Variants in SEPTIN7 observed in about 807,000 individuals in gnomAD.
SEPTIN7 encodes septin-7.
A neutral mutation model predicts 63.3 loss-of-function variants in SEPTIN7; 10 were observed. The ratio of observed to expected loss-of-function variants is 0.16; its 90% confidence interval spans 0.10 to 0.27. The LOEUF (loss-of-function observed/expected upper bound fraction) is 0.27, where lower values mean the gene tolerates loss of function less well. SEPTIN7 is among the 10% of genes least tolerant of loss of function. The pLI is 1.00. For missense variants in SEPTIN7, 310 were observed against 521.0 expected (o/e 0.59, Z 3.94); for synonymous variants, 131 against 165.3 (o/e 0.79, Z 1.59).
intron 1 of SEPTIN7, among the ~76,000 whole-genome samples, chr7:35,815,350 T>C (rs189131574): frequency 3.9e-5 from 6 of 152,322 alleles, no homozygotes; most frequent in African/African-American, 1.2e-4. Flanking sequence ...TATGAATTTA[T>C]ATATATACAT....
intron 1 of SEPTIN7, among the ~76,000 whole-genome samples, chr7:35,810,797 C>T (rs1445760062): frequency 5.4e-5 from 8 of 149,176 alleles, no homozygotes; most frequent in Non-Finnish European, 8.9e-5. Context: ...GACAGAGGCT[C>T]GCTCTGTCGC....
chr7:35,896,411 A>G (rs1787963282), intron 11 of SEPTIN7, among the ~76,000 whole-genome samples: 1 of 152,128 alleles, frequency 6.6e-6, no homozygotes, highest in South Asian at 2.1e-4. Flanking sequence ...TTGGGGTGTT[A>G]GGGGACAGTG....
intron 1 of SEPTIN7, among the ~76,000 whole-genome samples, chr7:35,813,029 AAT>A (rs1788827529): frequency 2.0e-5 from 3 of 152,206 alleles, no homozygotes; most frequent in Non-Finnish European, 4.4e-5. Context: ...AGGCCTTAAT[AAT>A]AACTATCATC....
chr7:35,847,150 C>G (rs186165322), intron 3 of SEPTIN7: 22 of 165,644 alleles, frequency 1.3e-4, no homozygotes, highest in African/African-American at 4.8e-4. Context: ...TTGGTGGCTC[C>G]GAAGTGGGCA....
intron 1 of SEPTIN7, among the ~76,000 whole-genome samples, chr7:35,829,687 A>G (rs1274922364): frequency 2.0e-5 from 3 of 152,154 alleles, no homozygotes; most frequent in African/African-American, 7.2e-5. Context: ...CATTTATGTA[A>G]TTCATTCAAT....
chr7:35,878,933 G>A (rs1786654693), intron 6 of SEPTIN7, among the ~76,000 whole-genome samples: 1 of 152,156 alleles, frequency 6.6e-6, no homozygotes, highest in African/African-American at 2.4e-5. Context: ...GAAGATAATT[G>A]AAATCTATTG....
chr7:35,834,735 CT>C (rs1783997609), intron 3 of SEPTIN7, among the ~76,000 whole-genome samples: 1 of 152,086 alleles, frequency 6.6e-6, no homozygotes, highest in Non-Finnish European at 1.5e-5. Flanking sequence ...CACTTAGTAT[CT>C]AATATGTTGA....
At chr7:35,888,018 A>G (rs1235727623) in intron 10 of SEPTIN7, among the ~76,000 whole-genome samples, 2 of 152,194 alleles carry the variant, frequency 1.3e-5, no homozygotes, top group African/African-American at 4.8e-5. Context: ...TAATTAAGAG[A>G]ACTAACTTAC....
At chr7:35,881,602 A>G (rs1327908599) in intron 7 of SEPTIN7, among the ~76,000 whole-genome samples, 2 of 151,292 alleles carry the variant, frequency 1.3e-5, no homozygotes, top group East Asian at 3.9e-4. Context: ...TGTCTACTAT[A>G]GTAACCATGT....
Position 35,907,100 on chromosome 7 carries a change from A to T in SEPTIN7, c.*2807A>T, listed in dbSNP as rs1460252140. On this transcript the variant is annotated 3_prime_UTR_variant, in exon 14 of 14. Transcript: ENST00000350320. ...TGAAAGAGTGAAATAAAAGGTTTAC[A>T]CTTTCCCCAAGCTCCAATGAATTAT... 2 of 152,250 alleles carry T rather than the reference A, an allele frequency of 1.3e-5. No homozygotes were observed. Among genetic ancestry groups the T allele is most frequent in the Non-Finnish European group, 2.9e-5 (2 of 68,044 alleles). The allele number at this position is 152,250 out of a possible 1,614,324, so 9.4% of individuals were successfully genotyped here.
At chr7:35,872,064 T>TATC (rs1786185356) in intron 4 of SEPTIN7, among the ~76,000 whole-genome samples, 1 of 152,164 alleles carries the variant, frequency 6.6e-6, no homozygotes, top group Non-Finnish European at 1.5e-5. Context: ...TTTTGCTGAT[T>TATC]ACATTGTCCA....
chr7:35,845,675 T>G (rs765256164), intron 3 of SEPTIN7, among the ~76,000 whole-genome samples: 1 of 152,226 alleles, frequency 6.6e-6, no homozygotes, highest in Non-Finnish European at 1.5e-5. Context: ...TTATGTGATA[T>G]GACTATTTAG....
intron 3 of SEPTIN7, among the ~76,000 whole-genome samples, chr7:35,852,036 C>T (rs1263623189): frequency 2.0e-5 from 3 of 152,072 alleles, no homozygotes; most frequent in Admixed American, 6.5e-5. Context: ...ACCTTTGACC[C>T]TTATTCTTAG....
intron 3 of SEPTIN7, among the ~76,000 whole-genome samples, chr7:35,850,917 G>A (rs1016167216): frequency 9.2e-5 from 14 of 152,134 alleles, no homozygotes; most frequent in African/African-American, 3.4e-4. Flanking sequence ...ATATGAAGTT[G>A]AGATGCTGAG....
At chr7:35,898,738 G>C (rs1788110820) in intron 12 of SEPTIN7, 1 of 164,106 alleles carries the variant, frequency 6.1e-6, no homozygotes, top group Non-Finnish European at 1.3e-5. Context: ...GTGGATTTAT[G>C]CACACAAACT....
chr7:35,801,223 C>G lies in SEPTIN7; in HGVS notation c.14C>G (p.Ala5Gly), dbSNP rs753275736. MSVS[A>G]RSAAAEERSV... Reference sequence around the variant, plus strand: ...GGGGGGGAGGGGATGTCGGTCAGTGCGAGATCCGCTGCTGCTGAGGAGAGG... The same window carrying G: ...GGGGGGGAGGGGATGTCGGTCAGTGGGAGATCCGCTGCTGCTGAGGAGAGG... The change falls in exon 1 of 14, where the codon GCG (alanine) becomes GGG (glycine). Residue 5 changes from alanine (A) to glycine (G), a missense_variant. Coordinates refer to ENST00000350320, the MANE Select transcript of SEPTIN7 (RefSeq NM_001788.6). 2 of 1,531,770 alleles carry G rather than the reference C, an allele frequency of 1.3e-6. No homozygotes were observed. The highest frequency in any genetic ancestry group is 2.1e-4 in the Middle Eastern group (1 of 4,806). The allele number at this position is 1,531,770 out of a possible 1,614,324, so 94.9% of individuals were successfully genotyped here. A position where few individuals can be genotyped will look rare whatever the true frequency, so the allele number is the denominator to read the frequency against.
chr7:35,896,359 T>C (rs1787960022), intron 11 of SEPTIN7, among the ~76,000 whole-genome samples: 1 of 152,200 alleles, frequency 6.6e-6, no homozygotes, highest in Non-Finnish European at 1.5e-5. Context: ...AATCACAAAA[T>C]TGTTTTTAGA....
chr7:35,850,607 G>T (rs533987516), intron 3 of SEPTIN7, among the ~76,000 whole-genome samples: 1 of 152,172 alleles, frequency 6.6e-6, no homozygotes, highest in African/African-American at 2.4e-5. Flanking sequence ...TTATTGAAAT[G>T]ATACTCCATC....
intron 1 of SEPTIN7, among the ~76,000 whole-genome samples, chr7:35,825,540 T>C (rs1353802341): frequency 2.0e-5 from 3 of 152,162 alleles, no homozygotes; most frequent in African/African-American, 7.2e-5. Flanking sequence ...CCCTTCCTTG[T>C]TTGCTCTTAT....
Sources: allele counts gnomAD v4.1 joint callset (sites outside exome capture counted in the v4.1 genomes callset), GRCh38; gene constraint gnomAD v4.1.1; transcripts MANE v1.5; gene names NCBI Gene and HGNC (gene_info 2026-07-23, HGNC 2026-07-21).